Variants in SNTG2 observed in about 807,000 individuals in gnomAD.
SNTG2 encodes the protein syntrophin gamma 2, also known as gamma-2-syntrophin.
Under a neutral mutation model 70.9 loss-of-function variants are expected in SNTG2, and 74 were observed. That is an observed-to-expected ratio of 1.04 (90% CI 0.86 to 1.27). SNTG2 has a LOEUF of 1.27. Ranked by LOEUF, SNTG2 falls within the 50% of genes most tolerant of loss-of-function variation. The probability of loss-of-function intolerance (pLI) is 0.00; values close to 1 mark genes in which losing one functional copy is unlikely to be tolerated. For synonymous variants in SNTG2, 278 were observed against 273.8 expected (o/e 1.02, Z -0.15); for missense variants, 717 against 690.7 (o/e 1.04, Z -0.43).
chr2:1,017,092 G>A (rs560291383), intron 1 of SNTG2, among the ~76,000 whole-genome samples: 1 of 152,258 alleles, frequency 6.6e-6, no homozygotes, highest in Non-Finnish European at 1.5e-5. Context: ...GTGGCAGTGA[G>A]TATACGGTTT....
intron 4 of SNTG2, among the ~76,000 whole-genome samples, chr2:1,114,178 T>C (rs1572469804): frequency 7.1e-6 from 1 of 140,938 alleles, no homozygotes; most frequent in South Asian, 2.3e-4. Context: ...GGATCGTGTG[T>C]AACTAAGTGA....
chr2:1,094,561 G>A (rs111965312), intron 2 of SNTG2, among the ~76,000 whole-genome samples: 2 of 46,830 alleles, frequency 4.3e-5, no homozygotes, highest in Non-Finnish European at 3.8e-5. Flanking sequence ...GTCCTCATAT[G>A]GTAGAGTTAC....
intron 1 of SNTG2, among the ~76,000 whole-genome samples, chr2:1,070,326 C>T (rs1326989956): frequency 6.6e-6 from 1 of 152,042 alleles, no homozygotes; most frequent in Admixed American, 6.6e-5. Flanking sequence ...TGTGGGCTCC[C>T]GTTCAGATGC....
chr2:985,488 G>T (rs568441295), intron 1 of SNTG2, among the ~76,000 whole-genome samples: 1 of 152,232 alleles, frequency 6.6e-6, no homozygotes, highest in South Asian at 2.1e-4. Context: ...AAGAGGGCCT[G>T]CAGCTCCCCA....
At chr2:1,222,612 AT>A (rs1675387071) in intron 9 of SNTG2, among the ~76,000 whole-genome samples, 4 of 3,832 alleles carry the variant, frequency 1.0e-3, no homozygotes, top group Admixed American at 1.8e-3. Flanking sequence ...GAGGTGCTGG[AT>A]CGCTGTAGAG....
At chr2:1,195,150 C>T (rs186550106) in intron 8 of SNTG2, among the ~76,000 whole-genome samples, 21 of 152,162 alleles carry the variant, frequency 1.4e-4, no homozygotes, top group African/African-American at 4.8e-4. Context: ...GGGTTGGTTC[C>T]AAGTCTTTGC....
intron 16 of SNTG2, among the ~76,000 whole-genome samples, chr2:1,323,498 A>G (rs1219023785): frequency 3.5e-5 from 4 of 115,636 alleles, no homozygotes; most frequent in Non-Finnish European, 3.8e-5. Flanking sequence ...TAACAGTCAC[A>G]TGGCTGAGAC....
At chr2:1,264,340 T>A (rs1678610022) in intron 13 of SNTG2, among the ~76,000 whole-genome samples, 1 of 152,188 alleles carries the variant, frequency 6.6e-6, no homozygotes, top group South Asian at 2.1e-4. Flanking sequence ...GTCTTAATCA[T>A]CCCTGTGGAA....
At chr2:1,239,338 C>T (rs1251452227) in intron 10 of SNTG2, among the ~76,000 whole-genome samples, 1 of 152,188 alleles carries the variant, frequency 6.6e-6, no homozygotes, top group Non-Finnish European at 1.5e-5. Context: ...ACAACATCTA[C>T]CTCCATAGGT....
intron 8 of SNTG2, among the ~76,000 whole-genome samples, chr2:1,206,488 G>A (rs549772868): frequency 6.6e-6 from 1 of 152,324 alleles, no homozygotes; most frequent in Admixed American, 6.5e-5. Flanking sequence ...GCCCTCAGTA[G>A]ATGGGAGCAT....
rs13402403 is a variant in SNTG2 at position 1,073,917 on chromosome 2, A to G, written c.73-9601A>G. ...TGTAGAAAGAGGGAATTTTAAAAAG[A>G]TATTTTTCCTGAGAAAATTTTTAAT... is the stretch of plus-strand genomic sequence containing the variant. On this transcript the variant is annotated intron_variant, in intron 1 of 16. Coordinates refer to ENST00000308624, the MANE Select transcript of SNTG2 (RefSeq NM_018968.4). 3.8e-3 allele frequency among the ~76,000 whole-genome samples: 582 copies of G among 152,336 alleles called. 3 individuals are homozygous for G. Among genetic ancestry groups the G allele is most frequent in the African/African-American group, 0.013 (561 of 41,576 alleles).
At chr2:1,283,756 C>G (rs1481399111) in intron 14 of SNTG2, among the ~76,000 whole-genome samples, 2 of 152,202 alleles carry the variant, frequency 1.3e-5, no homozygotes, top group African/African-American at 4.8e-5. Flanking sequence ...CCCGGTCATT[C>G]GTATCCTGCT....
At chr2:1,321,867 T>TGCC (rs756928080) in intron 16 of SNTG2, among the ~76,000 whole-genome samples, 1 of 147,070 alleles carries the variant, frequency 6.8e-6, no homozygotes, top group Non-Finnish European at 1.5e-5. Flanking sequence ...GCCTTCTTTC[T>TGCC]TCCTCCCTCC....
At chr2:1,249,243 A>G (rs916654476) in intron 12 of SNTG2, among the ~76,000 whole-genome samples, 2 of 152,198 alleles carry the variant, frequency 1.3e-5, no homozygotes, top group African/African-American at 4.8e-5. Flanking sequence ...ATGGAGACCT[A>G]TTGTAATATA....
At position 1,001,441 on chromosome 2, in the gene SNTG2, A is replaced by G. The variant is rs13388947; in HGVS notation, c.72+50373A>G. Among the ~76,000 whole-genome samples the G allele has an allele frequency of 6.0e-3, 918 of 152,164 alleles. 14 individuals are homozygous for G. The highest frequency in any genetic ancestry group is 0.021 in the African/African-American group (876 of 41,540). ...AAAGTTTCAAGATAAAAATAAATGT[A>G]CAAAAATCAGTAGCATTTTTATACA... On this transcript the variant is annotated intron_variant, in intron 1 of 16. Transcript: ENST00000308624.
At chr2:1,288,432 C>A (rs1281351662) in intron 14 of SNTG2, among the ~76,000 whole-genome samples, 1 of 152,158 alleles carries the variant, frequency 6.6e-6, no homozygotes, top group Non-Finnish European at 1.5e-5. Context: ...TGGTGCTCAG[C>A]TATCCTCCAA....
chr2:1,247,896 T>C (rs1243253162), intron 12 of SNTG2, among the ~76,000 whole-genome samples: 3 of 152,194 alleles, frequency 2.0e-5, no homozygotes, highest in South Asian at 2.1e-4. Flanking sequence ...GTCCATAATA[T>C]AAATTTATGG....
intron 1 of SNTG2, among the ~76,000 whole-genome samples, chr2:1,037,650 A>G (rs1271414866): frequency 6.6e-6 from 1 of 152,090 alleles, no homozygotes; most frequent in African/African-American, 2.4e-5. Context: ...CTTTATATAC[A>G]CAGAACATAG....
chr2:991,628 G>T (rs867944475), intron 1 of SNTG2, among the ~76,000 whole-genome samples: 2 of 152,130 alleles, frequency 1.3e-5, no homozygotes, highest in Non-Finnish European at 2.9e-5. Context: ...CTAGATGGAG[G>T]CTTGATGCTA....
Sources: gnomAD v4.1 joint callset for allele counts (sites outside exome capture counted in the v4.1 genomes callset) on GRCh38, gnomAD v4.1.1 for gene constraint, MANE v1.5 for transcripts, NCBI Gene and HGNC (gene_info 2026-07-23, HGNC 2026-07-21) for gene names.